Variants in CACNG3 observed in about 807,000 individuals in gnomAD.
The protein encoded by CACNG3 is voltage-dependent calcium channel gamma-3 subunit.
Under a neutral mutation model 28.5 loss-of-function variants are expected in CACNG3, and 3 were observed. That is an observed-to-expected ratio of 0.11 (90% confidence interval 0.05 to 0.27). The LOEUF (loss-of-function observed/expected upper bound fraction) is 0.27. CACNG3 is among the 10% of genes least tolerant of loss of function. CACNG3 has a pLI of 1.00. For synonymous variants in CACNG3, 174 were observed against 162.2 expected, an observed-to-expected ratio of 1.07 and a Z score of -0.55; for missense variants, 236 against 414.4, an observed-to-expected ratio of 0.57 and a Z score of 3.74.
intron 1 of CACNG3, among the ~76,000 whole-genome samples, chr16:24,313,094 A>AGGAAGGAT (rs1167911285): frequency 4.6e-5 from 7 of 151,978 alleles, no homozygotes; most frequent in Non-Finnish European, 8.8e-5. Context: ...GAAGGAAGGA[A>AGGAAGGAT]GGAAGGAAGG....
chr16:24,352,299 C>T (rs934374616), intron 2 of CACNG3, among the ~76,000 whole-genome samples: 8 of 152,072 alleles, frequency 5.3e-5, no homozygotes, highest in Non-Finnish European at 8.8e-5. Flanking sequence ...AAAATAAACT[C>T]GCATCCCTCC....
In CACNG3 at chr16:24,296,936, T is replaced by G. The variant is rs562439625; in HGVS notation, c.211+39971T>G. Among the ~76,000 whole-genome samples the G allele has an allele frequency of 2.5e-3, 386 of 152,298 alleles. 1 individual carries two copies. The highest frequency in any genetic ancestry group is 3.8e-3 in the Non-Finnish European group (261 of 68,020). On this transcript the variant is annotated intron_variant, in intron 1 of 3. Transcript: ENST00000005284. ...AGCCACAAGCAATGATCCTCAGTCCTGGCTGTGCAGGAGGTTCCCTGAGGG... is the reference window on the plus strand; with the variant it reads ...AGCCACAAGCAATGATCCTCAGTCCGGGCTGTGCAGGAGGTTCCCTGAGGG...
At chr16:24,276,591 G>A (rs970546049) in intron 1 of CACNG3, among the ~76,000 whole-genome samples, 8 of 152,300 alleles carry the variant, frequency 5.3e-5, no homozygotes, top group African/African-American at 1.9e-4. Context: ...GTCCCTTGGT[G>A]GGTTCTGGTA....
intron 1 of CACNG3, among the ~76,000 whole-genome samples, chr16:24,292,215 C>T (rs977131949): frequency 6.6e-6 from 1 of 152,176 alleles, no homozygotes; most frequent in Non-Finnish European, 1.5e-5. Context: ...CCAAACAGCT[C>T]GATTTTTCAA....
chr16:24,265,462 GA>G (rs1247029838), intron 1 of CACNG3, among the ~76,000 whole-genome samples: 3 of 142,790 alleles, frequency 2.1e-5, no homozygotes, highest in Non-Finnish European at 3.2e-5. Context: ...AAAGAAGAAG[GA>G]AGGAAGGAGA....
chr16:24,318,428 G>A (rs1899415609), intron 1 of CACNG3, among the ~76,000 whole-genome samples: 3 of 152,178 alleles, frequency 2.0e-5, no homozygotes, highest in Non-Finnish European at 2.9e-5. Flanking sequence ...CTGACCTCAG[G>A]TGATTCTCCC....
At chr16:24,331,513 T>A (rs1166031236) in intron 1 of CACNG3, among the ~76,000 whole-genome samples, 3 of 152,210 alleles carry the variant, frequency 2.0e-5, no homozygotes, top group Non-Finnish European at 4.4e-5. Flanking sequence ...TTTCAATGAT[T>A]CCTCTAAGAT....
intron 1 of CACNG3, among the ~76,000 whole-genome samples, chr16:24,267,259 C>A (rs900861666): frequency 3.3e-5 from 5 of 152,154 alleles, no homozygotes; most frequent in Middle Eastern, 3.4e-3. Context: ...AGCCACCGCA[C>A]CTGGCCTATT....
intron 1 of CACNG3, among the ~76,000 whole-genome samples, chr16:24,266,518 G>A (rs1322161854): frequency 6.6e-6 from 1 of 152,112 alleles, no homozygotes; most frequent in Non-Finnish European, 1.5e-5. Flanking sequence ...CACAAGAAAT[G>A]CCAGAAAAAC....
chr16:24,311,949 G>A (rs922904619), intron 1 of CACNG3, among the ~76,000 whole-genome samples: 1 of 152,242 alleles, frequency 6.6e-6, no homozygotes, highest in Admixed American at 6.5e-5. Flanking sequence ...ACAGACCAGG[G>A]TATTTCTGGT....
At chr16:24,295,271 G>C (rs563032099) in intron 1 of CACNG3, among the ~76,000 whole-genome samples, 1 of 152,068 alleles carries the variant, frequency 6.6e-6, no homozygotes, top group Non-Finnish European at 1.5e-5. Flanking sequence ...AACTACTACC[G>C]AGATGCCAGC....
At chr16:24,349,046 A>G (rs1899907023) in intron 2 of CACNG3, among the ~76,000 whole-genome samples, 1 of 152,210 alleles carries the variant, frequency 6.6e-6, no homozygotes, top group East Asian at 1.9e-4. Flanking sequence ...GGCCTTAATG[A>G]GAACACAGAT....
intron 1 of CACNG3, among the ~76,000 whole-genome samples, chr16:24,313,224 A>C (rs1303062443): frequency 6.6e-6 from 1 of 152,238 alleles, no homozygotes; most frequent in Non-Finnish European, 1.5e-5. Context: ...CACTATTCCA[A>C]GAACTTTTTA....
At position 24,315,188 on chromosome 16, in the gene CACNG3, G is replaced by A. The variant is rs1305964413; in HGVS notation, c.212-31546G>A. On this transcript the variant is annotated intron_variant, in intron 1 of 3. Coordinates refer to ENST00000005284, the MANE Select transcript of CACNG3 (RefSeq NM_006539.4). ...AATCAACAAGTATTCACTGTGTGAT[G>A]TACCTGAGGGCCGGGCCATAGTGTC... Among the ~76,000 whole-genome samples, 3 of 152,170 alleles carry A rather than the reference G, an allele frequency of 2.0e-5. No homozygotes were observed. In the East Asian group the frequency reaches 5.8e-4, roughly 29 times the overall value.
intron 1 of CACNG3, among the ~76,000 whole-genome samples, chr16:24,259,456 C>T (rs961386719): frequency 6.6e-6 from 1 of 152,208 alleles, no homozygotes; most frequent in Non-Finnish European, 1.5e-5. Context: ...GTATTTCTTA[C>T]CTACACCTGA....
At chr16:24,274,197 A>T (rs1228143656) in intron 1 of CACNG3, among the ~76,000 whole-genome samples, 1 of 147,018 alleles carries the variant, frequency 6.8e-6, no homozygotes, top group Non-Finnish European at 1.5e-5. Context: ...AAAAAAAAAA[A>T]AAACAAAAAA....
intron 1 of CACNG3, among the ~76,000 whole-genome samples, chr16:24,342,334 C>T (rs935044115): frequency 6.6e-6 from 1 of 152,078 alleles, no homozygotes; most frequent in Admixed American, 6.6e-5. Context: ...ATAAAATGTG[C>T]AAAAGAGTAT....
chr16:24,317,541 A>T (rs1454726581), intron 1 of CACNG3, among the ~76,000 whole-genome samples: 1 of 140,780 alleles, frequency 7.1e-6, no homozygotes, highest in Non-Finnish European at 1.5e-5. Context: ...TTCTGTCTCA[A>T]AAAAAAAAAA....
intron 1 of CACNG3, among the ~76,000 whole-genome samples, chr16:24,294,582 G>T (rs1899005628): frequency 6.6e-6 from 1 of 152,190 alleles, no homozygotes; most frequent in Non-Finnish European, 1.5e-5. Context: ...ACAAACAAAA[G>T]ATAATTCAGG....
Sources: gnomAD v4.1 joint callset for allele counts (sites outside exome capture counted in the v4.1 genomes callset) on GRCh38, gnomAD v4.1.1 for gene constraint, MANE v1.5 for transcripts, NCBI Gene and HGNC (gene_info 2026-07-23, HGNC 2026-07-21) for gene names.